The following AGMO variants were observed in gnomAD, a reference collection of about 807,000 sequenced individuals.
AGMO encodes the protein glyceryl-ether monooxygenase.
Under a neutral mutation model 60.2 loss-of-function variants are expected in AGMO, and 75 were observed. The observed-to-expected ratio is 1.25, with a 90% CI of 1.03 to 1.51. The LOEUF is 1.51. AGMO is among the 40% of genes most tolerant of loss of function. The pLI, the probability that AGMO is intolerant of heterozygous loss-of-function variation, is 0.00. For missense variants in AGMO, 763 were observed against 525.5 expected (o/e 1.45, Z -4.42); for synonymous variants, 261 against 177.1 (o/e 1.47, Z -3.76).
At chr7:15,167,159 T>C in the AGMO span, among the ~76,000 whole-genome samples, 1 of 152,168 alleles carries the variant, frequency 6.6e-6, no homozygotes, top group African/African-American at 2.4e-5. Flanking sequence ...ATTAAAACAA[T>C]GTCCATGAAT....
chr7:15,357,190 C>CGTGT (rs36124819), intron 12 of AGMO, among the ~76,000 whole-genome samples: 18,775 of 144,298 alleles, frequency 0.13, 1,262 homozygotes, highest in Admixed American at 0.18. Flanking sequence ...TATGAATATT[C>CGTGT]GTGTGTGTGT....
At chr7:15,407,763 T>G (rs946293274) in intron 5 of AGMO, among the ~76,000 whole-genome samples, 5 of 151,484 alleles carry the variant, frequency 3.3e-5, no homozygotes, top group Non-Finnish European at 5.9e-5. Flanking sequence ...AAACACATAA[T>G]AAATGAGAAA....
At chr7:15,554,150 G>A (rs1488574642) in intron 2 of AGMO, among the ~76,000 whole-genome samples, 4 of 152,050 alleles carry the variant, frequency 2.6e-5, no homozygotes, top group Non-Finnish European at 5.9e-5. Context: ...TTTCAAAAAT[G>A]TTCTCAGAAG....
rs1562461179 is a variant in AGMO at position 15,365,613 on chromosome 7, CT to C, written c.1163del (p.Lys388ArgfsTer11). On this transcript the variant is annotated frameshift_variant, in exon 12 of 13. Transcript: ENST00000342526. LOFTEE classifies it high-confidence loss of function. ...AACGGAGAGTTTCCATAATAGCTGC[CT>C]TGGGTCTGAAATAAAATGTCATTAA... ...SIGFLLDQRPKAAIMETLRCL... is the reference protein window; with the variant it reads ...SIGFLLDQRPXAAIMETLRCL... The C allele has an allele frequency of 6.2e-7, 1 of 1,611,322 alleles. No homozygotes were observed. Among genetic ancestry groups the C allele is most frequent in the East Asian group, 2.2e-5 (1 of 44,820 alleles).
chr7:15,236,828 T>C (rs915403953), intron 12 of AGMO, among the ~76,000 whole-genome samples: 6 of 151,970 alleles, frequency 3.9e-5, no homozygotes, highest in South Asian at 2.1e-4. Context: ...CCTGATACTA[T>C]GATTATATGA....
intron 3 of AGMO, among the ~76,000 whole-genome samples, chr7:15,484,279 C>T (rs1289369344): frequency 1.3e-5 from 2 of 152,134 alleles, no homozygotes; most frequent in South Asian, 2.1e-4. Flanking sequence ...ATCAGCTATA[C>T]TCATTGAAAA....
intron 3 of AGMO, among the ~76,000 whole-genome samples, chr7:15,463,696 G>A (rs1276470537): frequency 3.3e-5 from 5 of 151,954 alleles, no homozygotes; most frequent in African/African-American, 4.8e-5. Context: ...GTGTGAAATT[G>A]GACAATGCAA....
intron 5 of AGMO, among the ~76,000 whole-genome samples, chr7:15,394,411 C>T (rs1013168030): frequency 6.6e-6 from 1 of 152,158 alleles, no homozygotes. Context: ...TGGTTAAGAG[C>T]TAGACGACTT....
intron 3 of AGMO, among the ~76,000 whole-genome samples, chr7:15,475,761 A>T (rs759899760): frequency 5.3e-5 from 8 of 152,062 alleles, no homozygotes; most frequent in Non-Finnish European, 8.8e-5. Flanking sequence ...ACTTATTTAG[A>T]TTTTTTTAAA....
At chr7:15,309,166 G>A (rs949907895) in intron 12 of AGMO, among the ~76,000 whole-genome samples, 1 of 152,082 alleles carries the variant, frequency 6.6e-6, no homozygotes, top group African/African-American at 2.4e-5. Flanking sequence ...GACAAGCCCT[G>A]CTAAAAATCC....
intron 3 of AGMO, among the ~76,000 whole-genome samples, chr7:15,484,338 A>T (rs957885161): frequency 6.6e-6 from 1 of 152,146 alleles, no homozygotes. Context: ...GTACAAATTC[A>T]TTTGCATCAA....
At chr7:15,411,902 T>C (rs1232178405) in intron 5 of AGMO, among the ~76,000 whole-genome samples, 1 of 152,090 alleles carries the variant, frequency 6.6e-6, no homozygotes, top group Non-Finnish European at 1.5e-5. Flanking sequence ...GTAAATTTAA[T>C]ATAATTTTGA....
chr7:15,175,400 C>G, the AGMO span, among the ~76,000 whole-genome samples: 3 of 151,910 alleles, frequency 2.0e-5, no homozygotes, highest in African/African-American at 7.2e-5. Context: ...TTTTAACACA[C>G]ACTAGTTATG....
chr7:15,157,457 T>C, the AGMO span, among the ~76,000 whole-genome samples: 5 of 152,302 alleles, frequency 3.3e-5, no homozygotes, highest in East Asian at 7.7e-4. Context: ...TTGGCTAAGC[T>C]GGAGGTATCT....
rs1264804426 is a variant in AGMO, at chr7:15,247,447, C to CAG, written c.1264-46089_1264-46088insCT. 1.5e-3 allele frequency among the ~76,000 whole-genome samples: 204 copies of CAG among 136,566 alleles called. 1 individual carries two copies. Among genetic ancestry groups the CAG allele is most frequent in the East Asian group, 4.6e-3 (22 of 4,802 alleles). 89.6% of individuals were successfully genotyped at this position (136,566 alleles called of 152,430 possible). On this transcript the variant is annotated intron_variant, in intron 12 of 12. Coordinates refer to ENST00000342526, the MANE Select transcript of AGMO (RefSeq NM_001004320.2). ...ACACACACACACACACACACACACA[C>CAG]ACACACACACACAGAGAGAGAGAGA...
intron 2 of AGMO, among the ~76,000 whole-genome samples, chr7:15,557,140 CA>C (rs562461065): frequency 2.7e-5 from 4 of 150,454 alleles, no homozygotes; most frequent in Admixed American, 6.7e-5. Flanking sequence ...TTAAGATCCT[CA>C]AAAAAAAACA....
At chr7:15,422,042 G>GATA (rs988298438) in intron 4 of AGMO, among the ~76,000 whole-genome samples, 34 of 151,986 alleles carry the variant, frequency 2.2e-4, no homozygotes, top group African/African-American at 7.7e-4. Flanking sequence ...AAGTGAGATA[G>GATA]GAACTGAAAA....
chr7:15,376,831 G>A (rs1324623770), intron 10 of AGMO, among the ~76,000 whole-genome samples: 2 of 152,016 alleles, frequency 1.3e-5, no homozygotes, highest in Admixed American at 6.6e-5. Flanking sequence ...ATAAAAGTCC[G>A]TGGGTCATAT....
intron 2 of AGMO, among the ~76,000 whole-genome samples, chr7:15,554,001 A>T (rs1250244722): frequency 6.6e-6 from 1 of 152,110 alleles, no homozygotes; most frequent in Non-Finnish European, 1.5e-5. Flanking sequence ...AGCAAAATTA[A>T]TTTGATCCCC....
Sources: gnomAD v4.1 joint callset for allele counts (sites outside exome capture counted in the v4.1 genomes callset) on GRCh38, gnomAD v4.1.1 for gene constraint, MANE v1.5 for transcripts, NCBI Gene and HGNC (gene_info 2026-07-23, HGNC 2026-07-21) for gene names.